Variants in SPINK5 observed in about 807,000 individuals in gnomAD.
SPINK5 encodes serine protease inhibitor Kazal-type 5.
SPINK5 carries 125 observed loss-of-function variants against 151.8 expected under a neutral mutation model. The observed-to-expected ratio is 0.82, with a 90% CI of 0.71 to 0.96. The LOEUF is 0.96. SPINK5 is among the 40% of genes least tolerant of loss of function. SPINK5 has a pLI of 0.00. For missense variants in SPINK5, 1,194 were observed against 1,291.9 expected, an observed-to-expected ratio of 0.92 and a Z score of 1.16; for synonymous variants, 374 against 395.3, an observed-to-expected ratio of 0.95 and a Z score of 0.64.
At chr5:148,107,368 A>T (rs1401525496) in intron 17 of SPINK5, among the ~76,000 whole-genome samples, 1 of 152,158 alleles carries the variant, frequency 6.6e-6, no homozygotes, top group Non-Finnish European at 1.5e-5. Context: ...TTTCCAATTA[A>T]GTCAAGGGAA....
chr5:148,076,662 A>C (rs190279974), intron 4 of SPINK5, among the ~76,000 whole-genome samples: 2 of 151,848 alleles, frequency 1.3e-5, no homozygotes, highest in African/African-American at 4.8e-5. Flanking sequence ...TGAAGCAACT[A>C]TTAAAAATGT....
intron 24 of SPINK5, among the ~76,000 whole-genome samples, 188 bp from the exon 25 acceptor site, chr5:148,119,821 C>T (rs551552948): frequency 3.9e-5 from 6 of 152,288 alleles, no homozygotes; most frequent in Middle Eastern, 3.4e-3. Flanking sequence ...CTCCTTGCCA[C>T]GTAAAGCAAC....
intron 15 of SPINK5, 74 bp downstream of exon 15, chr5:148,101,982 T>C: frequency 6.2e-7 from 1 of 1,601,314 alleles, no homozygotes; most frequent in Non-Finnish European, 8.5e-7. Context: ...TTCAAACCAT[T>C]GTGAATAATG....
At chr5:148,069,011 C>G (rs1833768) in intron 2 of SPINK5, among the ~76,000 whole-genome samples, 113,406 of 151,876 alleles carry the variant, frequency 0.75, 43,607 homozygotes, top group African/African-American at 0.92. Context: ...TCAGGCAGGA[C>G]AACCTCTTGA....
At chr5:148,100,408 A>G in intron 12 of SPINK5, 46 bp from the exon 13 acceptor site, 2 of 1,589,780 alleles carry the variant, frequency 1.3e-6, no homozygotes, top group Non-Finnish European at 1.7e-6. Flanking sequence ...TTCTGCTTTA[A>G]GTAGAAATGA....
chr5:148,072,085 G>A, intron 3 of SPINK5, 63 bp from the exon 4 acceptor site: 2 of 1,490,622 alleles, frequency 1.3e-6, no homozygotes, highest in Non-Finnish European at 1.9e-6. Context: ...TACCATGTTA[G>A]CTGTTATTGT....
intron 17 of SPINK5, among the ~76,000 whole-genome samples, chr5:148,108,115 G>A (rs1471997857): frequency 6.6e-6 from 1 of 152,132 alleles, no homozygotes; most frequent in Non-Finnish European, 1.5e-5. Context: ...TTGTGGTAAT[G>A]ACTAAATGTA....
chr5:148,090,911 C>T, intron 7 of SPINK5: 1 of 491,320 alleles, frequency 2.0e-6, no homozygotes, highest in Non-Finnish European at 3.6e-6. Context: ...AGTTTCACAC[C>T]CTTTCTTACT....
chr5:148,131,444 G>A, intron 31 of SPINK5, 55 bp downstream of exon 31: 3 of 1,610,048 alleles, frequency 1.9e-6, no homozygotes, highest in Non-Finnish European at 2.5e-6. Context: ...CTCAGCTAGA[G>A]TGTTAACCCA....
chr5:148,112,727 T>A (rs1397861993), intron 19 of SPINK5, 141 bp from the exon 20 acceptor site: 1 of 1,330,954 alleles, frequency 7.5e-7, no homozygotes, highest in East Asian at 2.5e-5. Context: ...TGTAGAGAGA[T>A]GTGTGTTTAC....
rs58409150 is a variant in SPINK5 at position 148,123,755 on chromosome 5, A to G, written c.2539-78A>G. On this transcript the variant is annotated intron_variant, in intron 26 of 32. Coordinates refer to ENST00000256084, the MANE Select transcript of SPINK5 (RefSeq NM_006846.4). ...TTTTTTTCCTGTGTTATGAGTTTAT[A>G]TCTAATCGGTCAATCATGTTATCAG... is the stretch of plus-strand genomic sequence containing the variant. The G allele has an allele frequency of 0.077, 122,710 of 1,593,164 alleles. 6,466 individuals are homozygous for G. Among genetic ancestry groups the G allele is most frequent in the East Asian group, 0.24 (10,726 of 44,508 alleles).
intron 2 of SPINK5, among the ~76,000 whole-genome samples, chr5:148,065,786 G>A (rs1236783128): frequency 2.6e-5 from 4 of 151,924 alleles, no homozygotes; most frequent in East Asian, 3.9e-4. Context: ...GTATATAGTC[G>A]GTGTATATAG....
intron 32 of SPINK5, among the ~76,000 whole-genome samples, chr5:148,134,832 G>A (rs1440074902): frequency 6.6e-6 from 1 of 151,496 alleles, no homozygotes; most frequent in Non-Finnish European, 1.5e-5. Context: ...CATTCTCTTT[G>A]CTCCATTCCA....
In SPINK5 at chr5:148,112,928, T is replaced by G. The variant is rs377608943; in HGVS notation, c.1881T>G (p.Ala627=). 1 of 1,613,672 alleles carries G rather than the reference T, an allele frequency of 6.2e-7. No individual in the cohort carries two copies. Among genetic ancestry groups the G allele is most frequent in the Admixed American group, 1.7e-5 (1 of 59,952 alleles). The change falls in exon 20 of 33, where the codon GCT becomes GCG. Residue 627 remains alanine (A), a synonymous_variant. Transcript: ENST00000256084. ...CCAGAGCAAAAGTCAAAAGAGAAGCTGAAAAGGTAGTAATCCTGAATGTTT... is the reference window on the plus strand; with the variant it reads ...CCAGAGCAAAAGTCAAAAGAGAAGCGGAAAAGGTAGTAATCCTGAATGTTT... ...AEPRAKVKRE[A]EKETCDEFRR... is the part of the protein sequence containing the mutation.
In SPINK5 at chr5:148,123,928, C is replaced by T; in HGVS notation, c.2634C>T (p.His878=). ...TTCGAGGCCCATATGGCAAGATGCA[C>T]ATCAATAAATGTGCTATGTGTCAGA... ...NPVRGPYGKM[H]INKCAMCQSI... is the part of the protein sequence containing the mutation. The change falls in exon 27 of 33, where the codon CAC becomes CAT. Residue 878 remains histidine (H), a synonymous_variant. Transcript: ENST00000256084. 1 of 1,613,980 alleles carries T rather than the reference C, an allele frequency of 6.2e-7. No individual in the cohort carries two copies. Among genetic ancestry groups the T allele is most frequent in the Non-Finnish European group, 8.5e-7 (1 of 1,179,978 alleles).
At chr5:148,071,928 A>C (rs1053327309) in intron 3 of SPINK5, among the ~76,000 whole-genome samples, 1 of 152,070 alleles carries the variant, frequency 6.6e-6, no homozygotes, top group Non-Finnish European at 1.5e-5. Flanking sequence ...TCTGTTATGC[A>C]GTTAAAGTTA....
intron 10 of SPINK5, among the ~76,000 whole-genome samples, chr5:148,096,420 G>A (rs1259138823): frequency 6.6e-6 from 1 of 151,846 alleles, no homozygotes; most frequent in Non-Finnish European, 1.5e-5. Flanking sequence ...TACCTGGTTT[G>A]TACACTGTTG....
chr5:148,105,840 TCTC>T (rs1431446862), intron 16 of SPINK5, among the ~76,000 whole-genome samples: 1 of 150,688 alleles, frequency 6.6e-6, no homozygotes, highest in Non-Finnish European at 1.5e-5. Flanking sequence ...ACCAGGCTGG[TCTC>T]AAACTCCTGA....
intron 21 of SPINK5, among the ~76,000 whole-genome samples, chr5:148,116,010 C>T (rs150108562): frequency 3.3e-5 from 5 of 151,982 alleles, no homozygotes; most frequent in Non-Finnish European, 7.4e-5. Context: ...TTAGTAGAGA[C>T]AGTGTTTTGC....
Sources: gnomAD v4.1 joint callset for allele counts (sites outside exome capture counted in the v4.1 genomes callset) on GRCh38, gnomAD v4.1.1 for gene constraint, MANE v1.5 for transcripts, NCBI Gene and HGNC (gene_info 2026-07-23, HGNC 2026-07-21) for gene names.